ZNF69: variants seen among roughly 807,000 people sequenced by gnomAD.
The protein encoded by ZNF69 is ZNF3.
ZNF69 carries 47 observed loss-of-function variants against 50.9 expected under a neutral mutation model. The observed-to-expected ratio is 0.92, with a 90% CI of 0.73 to 1.18. The LOEUF is 1.18. Ranked by LOEUF, ZNF69 falls within the 50% of genes most tolerant of loss-of-function variation. The pLI is 0.00. For synonymous variants in ZNF69, 216 were observed against 223.1 expected (o/e 0.97, Z 0.29); for missense variants, 717 against 675.1 (o/e 1.06, Z -0.69).
chr19:11,955,771 T>C, the ZNF69 span, among the ~76,000 whole-genome samples: 5 of 152,146 alleles, frequency 3.3e-5, no homozygotes, highest in East Asian at 9.6e-4. Flanking sequence ...CCTTTGCAGG[T>C]TGGAGAACTT....
At chr19:11,903,850 A>C (rs1293985996) in intron 2 of ZNF69, 55 bp from the exon 3 acceptor site, 2 of 1,606,024 alleles carry the variant, frequency 1.2e-6, no homozygotes, top group Non-Finnish European at 1.7e-6. Context: ...GAATCTAATA[A>C]TTTTTTCACA....
the ZNF69 span, chr19:11,949,089 G>A: frequency 6.2e-7 from 1 of 1,611,456 alleles, no homozygotes; most frequent in Admixed American, 1.7e-5. Flanking sequence ...ACATAAGAAT[G>A]AACTCTGGAG....
intron 1 of ZNF69, among the ~76,000 whole-genome samples, chr19:11,889,674 G>T (rs1212580779): frequency 6.6e-6 from 1 of 152,226 alleles, no homozygotes. Context: ...AGAGACAAGA[G>T]ACTGAGTAAA....
downstream of ZNF69, among the ~76,000 whole-genome samples, chr19:11,915,997 G>A (rs959917400): frequency 2.6e-5 from 4 of 152,120 alleles, no homozygotes; most frequent in Non-Finnish European, 5.9e-5. Flanking sequence ...ACCATTGGAG[G>A]AGCCCTTTAT....
At chr19:11,928,539 C>T in the ZNF69 span, among the ~76,000 whole-genome samples, 1 of 148,602 alleles carries the variant, frequency 6.7e-6, no homozygotes, top group African/African-American at 2.6e-5. Context: ...GAGACCATCC[C>T]GGCTAAAACG....
At chr19:11,956,454 G>C in the ZNF69 span, 1 of 397,174 alleles carries the variant, frequency 2.5e-6, no homozygotes, top group East Asian at 3.6e-5. Flanking sequence ...AACCGAGTTT[G>C]AGAGATTTTG....
the ZNF69 span, among the ~76,000 whole-genome samples, chr19:11,931,975 C>T: frequency 2.7e-5 from 4 of 147,442 alleles, no homozygotes; most frequent in Admixed American, 1.3e-4. Flanking sequence ...ATTAGCCAGG[C>T]GTGGTGGCAG....
At chr19:11,950,370 C>A in the ZNF69 span, 1 of 1,049,724 alleles carries the variant, frequency 9.5e-7, no homozygotes, top group Non-Finnish European at 1.4e-6. Context: ...AAAGGACTCA[C>A]ACTGGGGAGA....
the ZNF69 span, among the ~76,000 whole-genome samples, chr19:11,929,783 G>C: frequency 6.8e-6 from 1 of 147,984 alleles, no homozygotes; most frequent in African/African-American, 2.7e-5. Flanking sequence ...TCAAGGGCTT[G>C]CAGTGAAATC....
At chr19:11,935,951 T>C in the ZNF69 span, among the ~76,000 whole-genome samples, 7 of 152,316 alleles carry the variant, frequency 4.6e-5, no homozygotes, top group African/African-American at 1.7e-4. Flanking sequence ...AGTGAGAATA[T>C]GCAGTGTTTG....
At chr19:11,964,254 C>G in the ZNF69 span, among the ~76,000 whole-genome samples, 1 of 152,208 alleles carries the variant, frequency 6.6e-6, no homozygotes, top group South Asian at 2.1e-4. Flanking sequence ...GCAGAAGAGA[C>G]GTGCAGACGC....
At chr19:11,924,960 A>G in the ZNF69 span, 1 of 436,778 alleles carries the variant, frequency 2.3e-6, no homozygotes, top group Non-Finnish European at 4.2e-6. Context: ...TGTGGCTAGA[A>G]TCCGTCAGTC....
rs1972184649 is a variant in ZNF69, at chr19:11,898,856, C to CA, written c.64-4710dup. On this transcript the variant is annotated intron_variant, in intron 1 of 3. Coordinates refer to ENST00000429654, the MANE Select transcript of ZNF69 (RefSeq NM_001364730.1). The stretch of plus-strand genomic sequence containing the variant: ...TTCAAAGAAAATAATTGTTTTAAAC[C>CA]AAAAAAACCATATTGACTTTGTGTA... Among the ~76,000 whole-genome samples the CA allele has an allele frequency of 5.9e-5, 9 of 152,008 alleles. No individual in the cohort carries two copies. The South Asian group carries it at 1.9e-3, about 32-fold the overall frequency.
chr19:11,898,561 T>C (rs1203033106), intron 1 of ZNF69, among the ~76,000 whole-genome samples: 1 of 152,018 alleles, frequency 6.6e-6, no homozygotes, highest in Non-Finnish European at 1.5e-5. Flanking sequence ...CAACTAATTT[T>C]TGTATTTTTA....
the ZNF69 span, among the ~76,000 whole-genome samples, chr19:11,932,838 C>T: frequency 2.0e-5 from 3 of 147,550 alleles, no homozygotes; most frequent in Non-Finnish European, 4.4e-5. Flanking sequence ...GGGGTTTCAC[C>T]GTGTTAGCCA....
chr19:11,968,567 T>C, the ZNF69 span, among the ~76,000 whole-genome samples: 1 of 152,322 alleles, frequency 6.6e-6, no homozygotes, highest in African/African-American at 2.4e-5. Context: ...AGTGGTTTGC[T>C]TTTTTCCCCC....
At chr19:11,927,532 A>G in the ZNF69 span, among the ~76,000 whole-genome samples, 2 of 152,142 alleles carry the variant, frequency 1.3e-5, no homozygotes, top group Non-Finnish European at 2.9e-5. Context: ...CAAGTGGAGG[A>G]ACGTACTGTC....
the ZNF69 span, among the ~76,000 whole-genome samples, chr19:11,941,983 C>CT: frequency 7.9e-3 from 1 of 126 alleles, no homozygotes; most frequent in Non-Finnish European, 0.015. Flanking sequence ...GCTTATTACA[C>CT]CTGGTATCTC....
downstream of ZNF69, among the ~76,000 whole-genome samples, chr19:11,918,580 C>T (rs949690739): frequency 6.6e-6 from 1 of 152,052 alleles, no homozygotes; most frequent in African/African-American, 2.4e-5. Flanking sequence ...AGCTCCTGGG[C>T]TTGAGCAATC....
Sources: allele counts gnomAD v4.1 joint callset (sites outside exome capture counted in the v4.1 genomes callset), GRCh38; gene constraint gnomAD v4.1.1; transcripts MANE v1.5; gene names NCBI Gene and HGNC (gene_info 2026-07-23, HGNC 2026-07-21).